The following IFNGR1 variants were observed in gnomAD, a reference collection of about 807,000 sequenced individuals.
IFNGR1 encodes AVP, type 2.
IFNGR1 carries 23 observed loss-of-function variants against 35.4 expected under a neutral mutation model. That is an observed-to-expected ratio of 0.65 (90% CI 0.47 to 0.92). The LOEUF is 0.92. Ranked by LOEUF, IFNGR1 falls within the 40% of genes least tolerant of loss-of-function variation. The pLI, the probability that IFNGR1 is intolerant of heterozygous loss-of-function variation, is 0.00. For synonymous variants in IFNGR1, 199 were observed against 209.5 expected (o/e 0.95, Z 0.43); for missense variants, 533 against 583.4 (o/e 0.91, Z 0.89).
chr6:137,207,952 G>C (rs780724992), intron 1 of IFNGR1, among the ~76,000 whole-genome samples: 1 of 152,230 alleles, frequency 6.6e-6, no homozygotes, highest in Non-Finnish European at 1.5e-5. Context: ...TTACTTAAGA[G>C]ACTTGTTGAA....
intron 5 of IFNGR1, among the ~76,000 whole-genome samples, chr6:137,202,545 A>C (rs1348296956): frequency 6.6e-6 from 1 of 151,896 alleles, no homozygotes; most frequent in Non-Finnish European, 1.5e-5. Context: ...TTGCATCATA[A>C]AATTTTAAAC....
chr6:137,197,875 C>T lies in IFNGR1; in HGVS notation c.*156G>A. The T allele has an allele frequency of 1.1e-6, 1 of 935,606 alleles. No homozygotes were observed. Among genetic ancestry groups the T allele is most frequent in the Non-Finnish European group, 1.6e-6 (1 of 623,228 alleles). The allele number at this position is 935,606 out of a possible 1,614,324, so 58.0% of individuals were successfully genotyped here. On this transcript the variant is annotated 3_prime_UTR_variant, in exon 7 of 7. Transcript: ENST00000367739. ...ACTTTACAAGCCAAAAGTGAAAATG[C>T]CACACATCCTCTTTACGCTTTCATG...
chr6:137,199,046 A>G (rs2114447545), intron 6 of IFNGR1, among the ~76,000 whole-genome samples: 1 of 152,114 alleles, frequency 6.6e-6, no homozygotes, highest in South Asian at 2.1e-4. Context: ...AGCTGCCAGC[A>G]TGGCTAGAAT....
chr6:137,199,459 T>TTAA (rs1554226401), intron 6 of IFNGR1, among the ~76,000 whole-genome samples: 1 of 32,530 alleles, frequency 3.1e-5, no homozygotes, highest in African/African-American at 1.5e-4. Flanking sequence ...AATATATAAC[T>TTAA]TATATTATAT....
chr6:137,217,169 C>T (rs1057355898), intron 1 of IFNGR1, among the ~76,000 whole-genome samples: 7 of 152,190 alleles, frequency 4.6e-5, no homozygotes, highest in Non-Finnish European at 8.8e-5. Context: ...GTCCTCTTCT[C>T]CACTTAAACT....
At chr6:137,199,567 A>ATATAATATATTATATATT (rs1185525239) in intron 6 of IFNGR1, among the ~76,000 whole-genome samples, 1 of 66,168 alleles carries the variant, frequency 1.5e-5, no homozygotes, top group African/African-American at 6.0e-5. Flanking sequence ...AAATATATAT[A>ATATAATATATTATATATT]ATATATAATA....
At chr6:137,201,928 T>G (rs1779287350) in intron 5 of IFNGR1, among the ~76,000 whole-genome samples, 1 of 152,102 alleles carries the variant, frequency 6.6e-6, no homozygotes, top group African/African-American at 2.4e-5. Flanking sequence ...ATCACCATTG[T>G]GTACTTTGCT....
chr6:137,205,998 T>C (rs1217280388), intron 3 of IFNGR1, 138 bp downstream of exon 3: 2 of 737,626 alleles, frequency 2.7e-6, no homozygotes, highest in Admixed American at 2.4e-5. Flanking sequence ...ATGCTCAACC[T>C]GTACTGACTC....
intron 1 of IFNGR1, among the ~76,000 whole-genome samples, chr6:137,207,801 T>A (rs1004857565): frequency 1.3e-5 from 2 of 152,174 alleles, no homozygotes; most frequent in Admixed American, 1.3e-4. Flanking sequence ...GAAAAAGGAC[T>A]AATACAGTAA....
Position 137,199,301 on chromosome 6 carries a change from T to TTAATATATATTATATAATATATAATTTA in IFNGR1, c.862-690_862-663dup, listed in dbSNP as rs1779180485. ...ATATATATATATATGAAAAATATAA[T>TTAATATATATTATATAATATATAATTTA]TAATATATATTATATAATATATAAT... On this transcript the variant is annotated intron_variant, in intron 6 of 6. Transcript: ENST00000367739. 1.2e-4 allele frequency among the ~76,000 whole-genome samples: 16 copies of TTAATATATATTATATAATATATAATTTA among 132,372 alleles called. No homozygotes were observed. In the Admixed American group the frequency reaches 1.5e-3, roughly 12 times the overall value. The allele number at this position is 132,372 out of a possible 152,430, so 86.8% of individuals were successfully genotyped here. A position where few individuals can be genotyped will look rare whatever the true frequency, so the allele number is the denominator to read the frequency against.
chr6:137,203,788 A>G (rs1779357032), intron 4 of IFNGR1, 103 bp from the exon 5 acceptor site: 2 of 935,494 alleles, frequency 2.1e-6, no homozygotes, highest in Admixed American at 2.3e-5. Flanking sequence ...AGAAATATAT[A>G]TGATTGACTT....
At chr6:137,206,041 A>G (rs1779419998) in intron 3 of IFNGR1, 95 bp downstream of exon 3, 1 of 1,006,650 alleles carries the variant, frequency 9.9e-7, no homozygotes, top group Admixed American at 1.7e-5. Flanking sequence ...AAGCATTGTG[A>G]TAATTTTCAG....
intron 5 of IFNGR1, among the ~76,000 whole-genome samples, chr6:137,202,600 T>TACACACACACAC (rs1491444766): frequency 9.6e-6 from 1 of 104,362 alleles, no homozygotes; most frequent in Admixed American, 1.0e-4. Flanking sequence ...AAAATATATG[T>TACACACACACAC]ATACACACAC....
At chr6:137,201,351 G>C (rs121913181) in intron 5 of IFNGR1, among the ~76,000 whole-genome samples, 1 of 152,118 alleles carries the variant, frequency 6.6e-6, no homozygotes, top group Non-Finnish European at 1.5e-5. Context: ...AAATGCAAAA[G>C]AATAATTTTA....
chr6:137,204,243 T>C, intron 4 of IFNGR1, 89 bp downstream of exon 4: 4 of 1,070,336 alleles, frequency 3.7e-6, no homozygotes, highest in Admixed American at 1.7e-5. Context: ...TGAATATTTA[T>C]AAGCATCCTA....
chr6:137,206,463 T>C (rs1476509975), intron 2 of IFNGR1, among the ~76,000 whole-genome samples, 155 bp from the exon 3 acceptor site: 1 of 152,216 alleles, frequency 6.6e-6, no homozygotes, highest in African/African-American at 2.4e-5. Context: ...TAGGAAACCC[T>C]TACTCTTTAG....
chr6:137,211,378 T>C (rs1031665703), intron 1 of IFNGR1, among the ~76,000 whole-genome samples: 4 of 152,230 alleles, frequency 2.6e-5, no homozygotes, highest in African/African-American at 4.8e-5. Flanking sequence ...ATAGATTTGG[T>C]TATTGCCAAA....
chr6:137,214,722 T>C (rs763260770), intron 1 of IFNGR1, among the ~76,000 whole-genome samples: 9 of 152,202 alleles, frequency 5.9e-5, no homozygotes, highest in Non-Finnish European at 8.8e-5. Flanking sequence ...ACCAATCTAG[T>C]CCCTGAGAGA....
In IFNGR1 at chr6:137,210,652, A is replaced by G. The variant is rs117896609; in HGVS notation, c.86-3575T>C. Reference sequence around the variant, plus strand: ...AGTGCCTTGGATGATAATGATGATGATTTATATTTATATCAAGCAGACTGC... The same window carrying G: ...AGTGCCTTGGATGATAATGATGATGGTTTATATTTATATCAAGCAGACTGC... On this transcript the variant is annotated intron_variant, in intron 1 of 6. Transcript: ENST00000367739. 9.8e-5 allele frequency among the ~76,000 whole-genome samples: 15 copies of G among 152,310 alleles called. 1 individual carries two copies. The East Asian group carries it at 2.9e-3, about 29-fold the overall frequency.
Sources: allele counts gnomAD v4.1 joint callset (sites outside exome capture counted in the v4.1 genomes callset), GRCh38; gene constraint gnomAD v4.1.1; transcripts MANE v1.5; gene names NCBI Gene and HGNC (gene_info 2026-07-23, HGNC 2026-07-21).